CALN1: variants seen among roughly 807,000 people sequenced by gnomAD.
The protein encoded by CALN1 is calneuron 1.
Under a neutral mutation model 30.6 loss-of-function variants are expected in CALN1, and 17 were observed. That is an observed-to-expected ratio of 0.56 (90% CI 0.38 to 0.83). The LOEUF (loss-of-function observed/expected upper bound fraction) is 0.83, where lower values mean the gene tolerates loss of function less well. Among genes scored for constraint, CALN1 ranks in the 40% least tolerant of loss-of-function variants. The pLI is 0.00. For synonymous variants in CALN1, 156 were observed against 131.4 expected (o/e 1.19, Z -1.28); for missense variants, 291 against 354.9 (o/e 0.82, Z 1.45).
intron 2 of CALN1, among the ~76,000 whole-genome samples, chr7:72,298,259 T>C (rs1585402353): frequency 6.6e-6 from 1 of 152,188 alleles, no homozygotes; most frequent in Admixed American, 6.5e-5. Context: ...TGTTTGACAA[T>C]TCACTTAAGA....
At position 71,972,924 on chromosome 7, in the gene CALN1, T is replaced by A. The variant is rs183168963; in HGVS notation, c.501+50733A>T. On this transcript the variant is annotated intron_variant, in intron 5 of 6. Transcript: ENST00000395275. Reference sequence around the variant, plus strand: ...GCAGCTTGGAACAGTCACCTGATGTTCACTCATGAAAAGAGGGACAGTTCT... The same window carrying A: ...GCAGCTTGGAACAGTCACCTGATGTACACTCATGAAAAGAGGGACAGTTCT... 3.6e-3 allele frequency among the ~76,000 whole-genome samples: 552 copies of A among 152,232 alleles called. 6 individuals carry two copies. Among genetic ancestry groups the A allele is most frequent in the African/African-American group, 0.013 (524 of 41,520 alleles).
chr7:72,081,694 T>C (rs1389362397), intron 4 of CALN1, among the ~76,000 whole-genome samples: 1 of 151,930 alleles, frequency 6.6e-6, no homozygotes, highest in Admixed American at 6.6e-5. Flanking sequence ...AGTGCTGGGA[T>C]TACAGGTATG....
chr7:72,034,763 G>A (rs1452296922), intron 4 of CALN1, among the ~76,000 whole-genome samples: 1 of 146,744 alleles, frequency 6.8e-6, no homozygotes, highest in East Asian at 2.0e-4. Context: ...ACTTCAGCCT[G>A]GGCGACAGAA....
At chr7:72,166,800 T>C (rs1375169252) in intron 3 of CALN1, among the ~76,000 whole-genome samples, 1 of 152,126 alleles carries the variant, frequency 6.6e-6, no homozygotes, top group African/African-American at 2.4e-5. Context: ...CCCAGCACTT[T>C]GGGAGGCCAA....
At chr7:72,501,948 TAC>T in the CALN1 span, among the ~76,000 whole-genome samples, 3 of 72,364 alleles carry the variant, frequency 4.1e-5, no homozygotes, top group African/African-American at 7.3e-5. Flanking sequence ...TATATATATA[TAC>T]ACACATATAT....
intron 5 of CALN1, among the ~76,000 whole-genome samples, chr7:71,926,006 G>T (rs1310286602): frequency 6.6e-6 from 1 of 152,068 alleles, no homozygotes; most frequent in South Asian, 2.1e-4. Context: ...GGCACCTGCC[G>T]CCATGCCTGG....
At chr7:72,118,203 A>C (rs568449259) in intron 3 of CALN1, among the ~76,000 whole-genome samples, 6 of 152,222 alleles carry the variant, frequency 3.9e-5, no homozygotes, top group East Asian at 1.9e-4. Flanking sequence ...TCATTCTTAA[A>C]GAAGGGCATT....
chr7:72,206,657 C>T (rs1468596416), intron 3 of CALN1, among the ~76,000 whole-genome samples: 1 of 146,684 alleles, frequency 6.8e-6, no homozygotes, highest in Admixed American at 6.8e-5. Context: ...AAGACTAGAA[C>T]AGATGCAGGC....
chr7:71,942,679 A>G (rs1796198218), intron 5 of CALN1, among the ~76,000 whole-genome samples: 2 of 152,176 alleles, frequency 1.3e-5, no homozygotes. Context: ...TCAACTAGTG[A>G]TATCTTTAGC....
intron 5 of CALN1, among the ~76,000 whole-genome samples, chr7:71,812,533 G>A (rs16869567): frequency 0.13 from 19,827 of 152,104 alleles, 2,532 homozygotes; most frequent in East Asian, 0.6. Flanking sequence ...ACAGAATGCC[G>A]TGATTCACAA....
upstream of CALN1, chr7:72,412,514 C>T (rs1042506036): frequency 2.0e-5 from 3 of 152,148 alleles, no homozygotes; most frequent in East Asian, 3.9e-4. Flanking sequence ...ATTTACAATC[C>T]TCTAGCTAGA....
intron 1 of CALN1, among the ~76,000 whole-genome samples, chr7:72,430,637 G>A (rs1352774605): frequency 6.6e-6 from 1 of 152,132 alleles, no homozygotes; most frequent in Non-Finnish European, 1.5e-5. Flanking sequence ...ACCACCTGTA[G>A]GGCGCATGCA....
At chr7:72,306,101 G>GTA (rs796315466) in intron 2 of CALN1, among the ~76,000 whole-genome samples, 14 of 152,254 alleles carry the variant, frequency 9.2e-5, no homozygotes, top group African/African-American at 3.1e-4. Flanking sequence ...ATCTAACCTT[G>GTA]TATATCATGA....
intron 2 of CALN1, among the ~76,000 whole-genome samples, chr7:72,374,283 C>A (rs1304088483): frequency 6.6e-6 from 1 of 152,172 alleles, no homozygotes; most frequent in Non-Finnish European, 1.5e-5. Context: ...AATCCCAGCA[C>A]TTTGGGAGGC....
chr7:72,448,295 C>T (rs1408772704), upstream of CALN1, among the ~76,000 whole-genome samples: 1 of 152,166 alleles, frequency 6.6e-6, no homozygotes, highest in Non-Finnish European at 1.5e-5. Flanking sequence ...AACAGAGAAA[C>T]GTAGCCACAG....
chr7:71,961,806 C>T (rs1797261219), intron 5 of CALN1, among the ~76,000 whole-genome samples: 1 of 152,110 alleles, frequency 6.6e-6, no homozygotes, highest in Non-Finnish European at 1.5e-5. Flanking sequence ...GGTCCTCCTC[C>T]CCTGCATACT....
chr7:71,827,338 G>A (rs1370052550), intron 5 of CALN1, among the ~76,000 whole-genome samples: 1 of 152,194 alleles, frequency 6.6e-6, no homozygotes, highest in Non-Finnish European at 1.5e-5. Flanking sequence ...GATGCAGGGA[G>A]AGCTTCCTCT....
intron 2 of CALN1, among the ~76,000 whole-genome samples, chr7:72,394,443 G>A (rs1050813219): frequency 2.0e-5 from 3 of 152,160 alleles, no homozygotes; most frequent in African/African-American, 4.8e-5. Context: ...CCAAAGCATT[G>A]CCTGTGAGAA....
In CALN1 at chr7:72,011,812, T is replaced by C. The variant is rs766497108; in HGVS notation, c.501+11845A>G. On this transcript the variant is annotated intron_variant, in intron 5 of 6. Transcript: ENST00000395275. ...GGTATGCACCACCAGACCCAGCTAA[T>C]TTTTAGGTTTTTTTTGTAGAGACAA... is the stretch of plus-strand genomic sequence containing the variant. Among the ~76,000 whole-genome samples the C allele has an allele frequency of 5.4e-4, 82 of 152,210 alleles. 1 individual carries two copies. Among genetic ancestry groups the C allele is most frequent in the Non-Finnish European group, 1.5e-4 (10 of 68,018 alleles).
Sources: allele counts gnomAD v4.1 joint callset (sites outside exome capture counted in the v4.1 genomes callset), GRCh38; gene constraint gnomAD v4.1.1; transcripts MANE v1.5; gene names NCBI Gene and HGNC (gene_info 2026-07-23, HGNC 2026-07-21).